The following KCNG3 variants were observed in gnomAD, a reference collection of about 807,000 sequenced individuals.
KCNG3 encodes the protein potassium voltage-gated channel modifier subfamily G member 3.
KCNG3 carries 15 observed loss-of-function variants against 29.0 expected under a neutral mutation model. The observed-to-expected ratio is 0.52, with a 90% CI of 0.35 to 0.80. The LOEUF is 0.80. Ranked by LOEUF, KCNG3 falls within the 30% of genes least tolerant of loss-of-function variation. The pLI, the probability that KCNG3 is intolerant of heterozygous loss-of-function variation, is 0.01. For missense variants in KCNG3, 512 were observed against 605.7 expected, an observed-to-expected ratio of 0.85 and a Z score of 1.62; for synonymous variants, 322 against 248.9, an observed-to-expected ratio of 1.29 and a Z score of -2.76.
chr2:42,464,013 G>T, intron 1 of KCNG3: 1 of 246,982 alleles, frequency 4.0e-6, no homozygotes, highest in South Asian at 4.1e-5. Flanking sequence ...GCTTAGAGGC[G>T]GTGGCAGTGG....
At position 42,493,671 on chromosome 2, in the gene KCNG3, G is replaced by C. The variant is rs1472445159; in HGVS notation, c.-170C>G. ...CGCTGGCCCGGGGGTCCCTGGGCTC[G>C]AGTATCTCCGGCGCTGCTAGTAGCG... is the stretch of plus-strand genomic sequence containing the variant. On this transcript the variant is annotated 5_prime_UTR_variant, in exon 1 of 2. Transcript: ENST00000306078. 2.2e-6 allele frequency: 1 copy of C among 461,954 alleles called. No individual in the cohort carries two copies. The highest frequency in any genetic ancestry group is 3.4e-6 in the Non-Finnish European group (1 of 293,266). 28.6% of individuals were successfully genotyped at this position (461,954 alleles called of 1,614,324 possible).
intron 1 of KCNG3, among the ~76,000 whole-genome samples, chr2:42,462,660 C>T (rs563412932): frequency 4.1e-4 from 62 of 151,920 alleles, no homozygotes; most frequent in South Asian, 2.9e-3. Flanking sequence ...CCAGCCTGGG[C>T]GACAGAGTGA....
the KCNG3 span, among the ~76,000 whole-genome samples, chr2:42,398,310 A>G: frequency 1.3e-5 from 2 of 152,046 alleles, no homozygotes; most frequent in East Asian, 3.9e-4. Context: ...TGAGAATTGG[A>G]CCCTGAGATC....
intron 1 of KCNG3, among the ~76,000 whole-genome samples, chr2:42,448,932 C>T (rs1016907644): frequency 1.3e-5 from 2 of 151,694 alleles, no homozygotes; most frequent in Non-Finnish European, 2.9e-5. Context: ...GAGCTGAGAT[C>T]GCGCCACTGC....
chr2:42,474,484 C>A (rs994210343), intron 1 of KCNG3, among the ~76,000 whole-genome samples: 2 of 152,132 alleles, frequency 1.3e-5, no homozygotes, highest in African/African-American at 4.8e-5. Context: ...GCCAAGATGG[C>A]ACTACTGCAC....
chr2:42,484,753 A>AG (rs891298603), intron 1 of KCNG3, among the ~76,000 whole-genome samples: 8 of 152,248 alleles, frequency 5.3e-5, no homozygotes, highest in African/African-American at 1.9e-4. Context: ...ACCAAAAGGT[A>AG]GGGAAAAAAG....
the KCNG3 span, among the ~76,000 whole-genome samples, chr2:42,419,219 C>CTTTTTTTTTTTTTTT: frequency 1.5e-3 from 42 of 27,736 alleles, 12 homozygotes; most frequent in East Asian, 3.2e-3. Context: ...GATGGTATCT[C>CTTTTTTTTTTTTTTT]TTTTTTTTTT....
At chr2:42,424,049 C>T in the KCNG3 span, among the ~76,000 whole-genome samples, 1 of 152,184 alleles carries the variant, frequency 6.6e-6, no homozygotes, top group Non-Finnish European at 1.5e-5. Context: ...AGGCTCAAGA[C>T]CCCCACCTCC....
rs151112589 is a variant in KCNG3 at position 42,478,639 on chromosome 2, A to C, written c.665+14198T>G. Among the ~76,000 whole-genome samples, 675 of 152,246 alleles carry C rather than the reference A, an allele frequency of 4.4e-3. 5 individuals are homozygous for C. The highest frequency in any genetic ancestry group is 0.015 in the African/African-American group (638 of 41,546). On this transcript the variant is annotated intron_variant, in intron 1 of 1. Transcript: ENST00000306078. ...TGTCACTCAAATGACATAACCTCAGAAGCCCTTCTGGGACACCCCAGGCTG... is the reference window on the plus strand; with the variant it reads ...TGTCACTCAAATGACATAACCTCAGCAGCCCTTCTGGGACACCCCAGGCTG...
At chr2:42,485,406 C>T (rs1673695907) in intron 1 of KCNG3, among the ~76,000 whole-genome samples, 1 of 151,902 alleles carries the variant, frequency 6.6e-6, no homozygotes, top group Non-Finnish European at 1.5e-5. Flanking sequence ...TTATGTCTGA[C>T]CTTTCAGAAG....
chr2:42,480,813 T>G (rs1473200228), intron 1 of KCNG3, among the ~76,000 whole-genome samples: 1 of 151,564 alleles, frequency 6.6e-6, no homozygotes, highest in Non-Finnish European at 1.5e-5. Context: ...AGATGGAGTC[T>G]TGCTCTGTTG....
At chr2:42,456,291 G>A (rs536310933) in intron 1 of KCNG3, among the ~76,000 whole-genome samples, 9 of 152,250 alleles carry the variant, frequency 5.9e-5, no homozygotes, top group Admixed American at 2.0e-4. Flanking sequence ...GGAGGCCAAC[G>A]CAGGAGGATT....
At chr2:42,479,088 T>C (rs987539764) in intron 1 of KCNG3, among the ~76,000 whole-genome samples, 1 of 152,098 alleles carries the variant, frequency 6.6e-6, no homozygotes, top group African/African-American at 2.4e-5. Context: ...TTTCAGATTT[T>C]GGCACGTTTT....
the KCNG3 span, among the ~76,000 whole-genome samples, chr2:42,425,503 T>C: frequency 7.0e-6 from 1 of 142,318 alleles, no homozygotes; most frequent in Non-Finnish European, 1.5e-5. Context: ...TGATGGGGAG[T>C]GGGAGGAGGA....
In KCNG3 at chr2:42,452,243, A is replaced by ATATATATATATATTT; in HGVS notation, c.666-7665_666-7664insAAATATATATATATA. Among the ~76,000 whole-genome samples, 474 of 94,960 alleles carry ATATATATATATATTT rather than the reference A, an allele frequency of 5.0e-3. 11 individuals are homozygous for ATATATATATATATTT. The highest frequency in any genetic ancestry group is 0.037 in the East Asian group (81 of 2,162). 62.3% of individuals were successfully genotyped at this position (94,960 alleles called of 152,430 possible). On this transcript the variant is annotated intron_variant, in intron 1 of 1. Transcript: ENST00000306078. Reference sequence around the variant, plus strand: ...TAAATATATATATATATATATATATATTTTTTTTTTTTTTTTAAAGGAAAC... The same window carrying ATATATATATATATTT: ...TAAATATATATATATATATATATATATATATATATATATTTTTTTTTTTTTTTTTTTAAAGGAAAC...
chr2:42,472,171 T>C (rs996544663), intron 1 of KCNG3, among the ~76,000 whole-genome samples: 1 of 152,164 alleles, frequency 6.6e-6, no homozygotes, highest in Non-Finnish European at 1.5e-5. Context: ...TGAACAAAAC[T>C]ATTCATTGCA....
At chr2:42,422,165 A>G in the KCNG3 span, among the ~76,000 whole-genome samples, 1 of 152,184 alleles carries the variant, frequency 6.6e-6, no homozygotes, top group Non-Finnish European at 1.5e-5. Context: ...TGTCCCCCAA[A>G]GTTTATGTGT....
the KCNG3 span, among the ~76,000 whole-genome samples, chr2:42,421,052 T>A: frequency 1.3e-5 from 2 of 152,136 alleles, no homozygotes; most frequent in Non-Finnish European, 2.9e-5. Context: ...AATGACTCAA[T>A]GAGAGTAGAA....
intron 1 of KCNG3, among the ~76,000 whole-genome samples, chr2:42,492,118 C>G (rs1044963260): frequency 2.0e-5 from 3 of 152,168 alleles, no homozygotes; most frequent in Non-Finnish European, 4.4e-5. Flanking sequence ...ATACTGTTTT[C>G]TGGATTTAGG....
Sources: gnomAD v4.1 joint callset for allele counts (sites outside exome capture counted in the v4.1 genomes callset) on GRCh38, gnomAD v4.1.1 for gene constraint, MANE v1.5 for transcripts, NCBI Gene and HGNC (gene_info 2026-07-23, HGNC 2026-07-21) for gene names.